RSRC1: variants seen among roughly 807,000 people sequenced by gnomAD.
RSRC1 encodes the protein arginine and serine rich coiled-coil 1, also known as serine/Arginine-related protein 53.
A neutral mutation model predicts 49.1 loss-of-function variants in RSRC1; 39 were observed. The ratio of observed to expected loss-of-function variants is 0.79; its 90% CI spans 0.61 to 1.04. The LOEUF (loss-of-function observed/expected upper bound fraction) is 1.04, where lower values mean the gene tolerates loss of function less well. Ranked by LOEUF, RSRC1 falls within the 50% of genes least tolerant of loss-of-function variation. RSRC1 has a pLI of 0.00. For missense variants in RSRC1, 388 were observed against 402.4 expected (o/e 0.96, Z 0.31); for synonymous variants, 143 against 130.8 (o/e 1.09, Z -0.63).
chr3:158,514,225 A>G (rs1740367701), intron 7 of RSRC1, among the ~76,000 whole-genome samples: 2 of 151,864 alleles, frequency 1.3e-5, no homozygotes, highest in African/African-American at 2.4e-5. Context: ...TCAATTTTGG[A>G]TCTTTCCTGC....
chr3:158,306,319 G>A (rs1041565617), intron 5 of RSRC1, among the ~76,000 whole-genome samples: 1 of 151,494 alleles, frequency 6.6e-6, no homozygotes, highest in Admixed American at 6.6e-5. Flanking sequence ...TACTATGTAT[G>A]GTATTTTACA....
At chr3:158,504,031 G>T (rs1437989685) in intron 7 of RSRC1, among the ~76,000 whole-genome samples, 1 of 152,184 alleles carries the variant, frequency 6.6e-6, no homozygotes, top group African/African-American at 2.4e-5. Context: ...TGGGCACCCA[G>T]TGAACTCCCA....
At chr3:158,149,527 A>G (rs1717389728) in intron 3 of RSRC1, among the ~76,000 whole-genome samples, 1 of 152,210 alleles carries the variant, frequency 6.6e-6, no homozygotes, top group Non-Finnish European at 1.5e-5. Context: ...AACAGACTAT[A>G]AAAGGAAATG....
At chr3:158,367,689 A>C (rs1247506391) in intron 6 of RSRC1, among the ~76,000 whole-genome samples, 1 of 152,166 alleles carries the variant, frequency 6.6e-6, no homozygotes, top group Admixed American at 6.6e-5. Flanking sequence ...CTCTTTTTCA[A>C]GAATAGTGCT....
intron 4 of RSRC1, among the ~76,000 whole-genome samples, chr3:158,278,437 A>G (rs1055834307): frequency 1.2e-4 from 18 of 152,168 alleles, no homozygotes; most frequent in African/African-American, 4.3e-4. Context: ...TGTTTTCTCA[A>G]TTTTGTTGAA....
intron 3 of RSRC1, among the ~76,000 whole-genome samples, chr3:158,141,200 A>G (rs983935573): frequency 6.6e-6 from 1 of 152,230 alleles, no homozygotes; most frequent in African/African-American, 2.4e-5. Flanking sequence ...AAAGAAGTCC[A>G]CAGCTTCTAT....
chr3:158,532,492 A>C (rs976311744), intron 7 of RSRC1, among the ~76,000 whole-genome samples: 1 of 151,954 alleles, frequency 6.6e-6, no homozygotes, highest in Non-Finnish European at 1.5e-5. Context: ...TCTGTGTTAT[A>C]AAATGTGAAA....
chr3:158,195,025 G>C (rs1395974792), intron 3 of RSRC1, among the ~76,000 whole-genome samples: 1 of 152,154 alleles, frequency 6.6e-6, no homozygotes, highest in Non-Finnish European at 1.5e-5. Flanking sequence ...TAATGGGATG[G>C]CTGGGTCATA....
intron 6 of RSRC1, among the ~76,000 whole-genome samples, chr3:158,416,331 G>A (rs1242265200): frequency 6.6e-6 from 1 of 151,940 alleles, no homozygotes; most frequent in Non-Finnish European, 1.5e-5. Flanking sequence ...CTTTGAATCT[G>A]GCTTTGTGAC....
intron 7 of RSRC1, among the ~76,000 whole-genome samples, chr3:158,481,642 G>A (rs1386722084): frequency 6.6e-6 from 1 of 152,008 alleles, no homozygotes; most frequent in Admixed American, 6.6e-5. Context: ...TCACAGACTG[G>A]CTGTGTCACA....
chr3:158,256,857 T>C (rs1482925576), intron 4 of RSRC1, among the ~76,000 whole-genome samples: 8 of 152,204 alleles, frequency 5.3e-5, no homozygotes, highest in Non-Finnish European at 4.4e-5. Flanking sequence ...TTTATTTGTG[T>C]AGAGGTGTTT....
chr3:158,258,616 C>G (rs1019638999), intron 4 of RSRC1, among the ~76,000 whole-genome samples: 1 of 152,056 alleles, frequency 6.6e-6, no homozygotes, highest in African/African-American at 2.4e-5. Flanking sequence ...CTGTTTTTAT[C>G]CCTTTGAACA....
rs548997855 is a variant in RSRC1 at position 158,300,109 on chromosome 3, T to C, written c.531+2034T>C. Among the ~76,000 whole-genome samples the C allele has an allele frequency of 3.9e-5, 6 of 152,344 alleles. No homozygotes were observed. In the South Asian group the frequency reaches 8.3e-4, roughly 21 times the overall value. On this transcript the variant is annotated intron_variant, in intron 5 of 9. Coordinates refer to ENST00000611884, the MANE Select transcript of RSRC1 (RefSeq NM_001271838.2). ...ATATTTCATTTTTACTTATGTCATA[T>C]ACCTCAAATGTATTTCAAAGATAAG...
chr3:158,468,436 A>G (rs570037386), intron 7 of RSRC1, among the ~76,000 whole-genome samples: 54 of 152,292 alleles, frequency 3.5e-4, no homozygotes, highest in African/African-American at 1.3e-3. Flanking sequence ...CTTGGTGACT[A>G]CACTCCTGCT....
chr3:158,231,137 C>CTTTTTTTTTT (rs35368661), intron 4 of RSRC1, among the ~76,000 whole-genome samples: 3 of 67,950 alleles, frequency 4.4e-5, no homozygotes, highest in Non-Finnish European at 7.5e-5. Context: ...TAGTCGTTAG[C>CTTTTTTTTTT]TTTTTTTTTT....
chr3:158,270,948 T>G (rs1037714493), intron 4 of RSRC1, among the ~76,000 whole-genome samples: 4 of 152,280 alleles, frequency 2.6e-5, no homozygotes, highest in Admixed American at 2.6e-4. Context: ...TTAGTCATAC[T>G]GGAACTTGAA....
intron 7 of RSRC1, among the ~76,000 whole-genome samples, chr3:158,526,628 AC>A (rs1164660593): frequency 1.3e-5 from 2 of 151,976 alleles, no homozygotes; most frequent in Non-Finnish European, 2.9e-5. Flanking sequence ...TGGCATAAAT[AC>A]ATGTTAACTA....
chr3:158,360,646 C>T (rs930283276), intron 6 of RSRC1, among the ~76,000 whole-genome samples: 4 of 152,238 alleles, frequency 2.6e-5, no homozygotes, highest in Admixed American at 6.5e-5. Flanking sequence ...CATGCTGCCC[C>T]ATGCATGCAG....
chr3:158,122,825 C>T (rs1329081071), intron 2 of RSRC1, among the ~76,000 whole-genome samples: 4 of 151,634 alleles, frequency 2.6e-5, no homozygotes, highest in African/African-American at 9.7e-5. Flanking sequence ...TGAGAACATG[C>T]GGTGTTTGGT....
Sources: allele counts gnomAD v4.1 joint callset (sites outside exome capture counted in the v4.1 genomes callset), GRCh38; gene constraint gnomAD v4.1.1; transcripts MANE v1.5; gene names NCBI Gene and HGNC (gene_info 2026-07-23, HGNC 2026-07-21).